CAMKMT: variants seen among roughly 807,000 people sequenced by gnomAD.
The protein encoded by CAMKMT is calmodulin-lysine N-methyltransferase.
CAMKMT carries 53 observed loss-of-function variants against 48.0 expected under a neutral mutation model. That is an observed-to-expected ratio of 1.10 (90% CI 0.89 to 1.39). The LOEUF is 1.39. Among genes scored for constraint, CAMKMT ranks in the 40% most tolerant of loss-of-function variants. The probability of loss-of-function intolerance (pLI) is 0.00; values close to 1 mark genes in which losing one functional copy is unlikely to be tolerated. For missense variants in CAMKMT, 428 were observed against 402.7 expected (o/e 1.06, Z -0.54); for synonymous variants, 165 against 152.3 (o/e 1.08, Z -0.61).
intron 3 of CAMKMT, among the ~76,000 whole-genome samples, chr2:44,492,378 C>A (rs986442001): frequency 6.6e-6 from 1 of 152,004 alleles, no homozygotes; most frequent in Non-Finnish European, 1.5e-5. Context: ...ATAGTCAATA[C>A]TTGTTTCCAA....
At chr2:44,520,672 C>T (rs936446447) in intron 3 of CAMKMT, among the ~76,000 whole-genome samples, 4 of 152,270 alleles carry the variant, frequency 2.6e-5, no homozygotes, top group African/African-American at 9.6e-5. Context: ...CTGAATTATG[C>T]ACCTAATCTC....
chr2:44,740,398 A>G (rs1193974075), intron 7 of CAMKMT, among the ~76,000 whole-genome samples: 4 of 152,030 alleles, frequency 2.6e-5, no homozygotes, highest in African/African-American at 9.7e-5. Context: ...CCAAAGTGCT[A>G]GGATTACAGG....
intron 3 of CAMKMT, among the ~76,000 whole-genome samples, chr2:44,537,616 G>C (rs1192286785): frequency 1.3e-5 from 2 of 152,024 alleles, no homozygotes; most frequent in Non-Finnish European, 2.9e-5. Context: ...CTCAGGCTGA[G>C]TGCAATGGTG....
chr2:44,685,298 AAAG>A (rs1280913809), intron 3 of CAMKMT, among the ~76,000 whole-genome samples: 2 of 152,188 alleles, frequency 1.3e-5, no homozygotes, highest in Non-Finnish European at 2.9e-5. Flanking sequence ...ATGAAAGTGA[AAAG>A]AAGGAGAGAG....
At chr2:44,686,994 G>A (rs868507627) in intron 3 of CAMKMT, among the ~76,000 whole-genome samples, 1 of 152,232 alleles carries the variant, frequency 6.6e-6, no homozygotes, top group South Asian at 2.1e-4. Context: ...ATGTAAAAGT[G>A]TCTAATGGTT....
At chr2:44,651,343 C>G (rs1674052988) in intron 3 of CAMKMT, among the ~76,000 whole-genome samples, 1 of 152,166 alleles carries the variant, frequency 6.6e-6, no homozygotes, top group Non-Finnish European at 1.5e-5. Context: ...ATCAAAAGTT[C>G]TTGTAATGAC....
chr2:44,750,639 C>T (rs914165825), intron 8 of CAMKMT, among the ~76,000 whole-genome samples: 5 of 152,204 alleles, frequency 3.3e-5, no homozygotes, highest in South Asian at 2.1e-4. Context: ...CTCTACAGCA[C>T]GGCTGTTCTT....
chr2:44,713,311 C>T (rs369504260), intron 6 of CAMKMT, among the ~76,000 whole-genome samples: 322 of 152,248 alleles, frequency 2.1e-3, no homozygotes, highest in African/African-American at 7.2e-3. Context: ...TCATACGACT[C>T]TACAGGTGTA....
intron 2 of CAMKMT, among the ~76,000 whole-genome samples, chr2:44,388,074 A>T (rs1008832988): frequency 6.6e-6 from 1 of 152,156 alleles, no homozygotes; most frequent in African/African-American, 2.4e-5. Context: ...GTCTCTAGCA[A>T]GGCCGGGAAA....
At chr2:44,479,608 A>G (rs1668865106) in intron 3 of CAMKMT, among the ~76,000 whole-genome samples, 1 of 152,188 alleles carries the variant, frequency 6.6e-6, no homozygotes, top group African/African-American at 2.4e-5. Flanking sequence ...AAACACTGCC[A>G]TTGTTGTTCA....
intron 3 of CAMKMT, among the ~76,000 whole-genome samples, chr2:44,412,327 T>A (rs1572806583): frequency 1.3e-5 from 2 of 152,134 alleles, no homozygotes; most frequent in Admixed American, 1.3e-4. Flanking sequence ...TTGTTTAAGT[T>A]TTTTTTGTTT....
At chr2:44,528,873 C>T (rs906207400) in intron 3 of CAMKMT, among the ~76,000 whole-genome samples, 1 of 150,760 alleles carries the variant, frequency 6.6e-6, no homozygotes, top group African/African-American at 2.4e-5. Flanking sequence ...TTTTTTTGTT[C>T]TGTTTTGTTT....
chr2:44,587,527 C>A (rs1669929820), intron 3 of CAMKMT, among the ~76,000 whole-genome samples: 1 of 144,858 alleles, frequency 6.9e-6, no homozygotes, highest in African/African-American at 2.6e-5. Flanking sequence ...TGATGCCGAG[C>A]CAAAGCTGGA....
intron 3 of CAMKMT, among the ~76,000 whole-genome samples, chr2:44,569,421 A>T (rs1008335718): frequency 1.3e-5 from 2 of 152,160 alleles, no homozygotes; most frequent in African/African-American, 4.8e-5. Context: ...GATTCTGAAA[A>T]TCATTTTCTT....
chr2:44,687,866 G>A (rs1386936268), intron 3 of CAMKMT, among the ~76,000 whole-genome samples: 1 of 152,166 alleles, frequency 6.6e-6, no homozygotes, highest in South Asian at 2.1e-4. Context: ...TATTAACCGA[G>A]TGTTCATTTC....
At chr2:44,506,122 G>C (rs929844786) in intron 3 of CAMKMT, among the ~76,000 whole-genome samples, 1 of 152,056 alleles carries the variant, frequency 6.6e-6, no homozygotes, top group African/African-American at 2.4e-5. Flanking sequence ...CTCCCAAAGT[G>C]CTAGCATTAC....
intron 3 of CAMKMT, among the ~76,000 whole-genome samples, chr2:44,514,761 T>TA (rs1288939271): frequency 6.6e-6 from 1 of 152,214 alleles, no homozygotes; most frequent in East Asian, 1.9e-4. Flanking sequence ...TTTTGAAAGA[T>TA]AAAATGCAAG....
intron 3 of CAMKMT, among the ~76,000 whole-genome samples, chr2:44,527,427 TATA>T (rs1215663564): frequency 1.7e-5 from 1 of 58,224 alleles, no homozygotes. Flanking sequence ...TATATATATA[TATA>T]TTTTTTTTTT....
chr2:44,637,815 C>T (rs530364539), intron 3 of CAMKMT, among the ~76,000 whole-genome samples: 1 of 151,846 alleles, frequency 6.6e-6, no homozygotes, highest in South Asian at 2.1e-4. Flanking sequence ...GCCTGTAATC[C>T]CAACACTTTG....
Sources: gnomAD v4.1 joint callset for allele counts (sites outside exome capture counted in the v4.1 genomes callset) on GRCh38, gnomAD v4.1.1 for gene constraint, MANE v1.5 for transcripts, NCBI Gene and HGNC (gene_info 2026-07-23, HGNC 2026-07-21) for gene names.